Variants in PREPL observed in about 807,000 individuals in gnomAD.
PREPL encodes the protein prolyl endopeptidase like, also known as prolyl endopeptidase-like.
In PREPL, 77 loss-of-function variants were observed where a neutral mutation model predicts 70.6. That is an observed-to-expected ratio of 1.09 (90% CI 0.91 to 1.32). PREPL has a LOEUF of 1.32. Among genes scored for constraint, PREPL ranks in the 40% most tolerant of loss-of-function variants. PREPL has a pLI of 0.00. For synonymous variants in PREPL, 315 were observed against 264.8 expected (o/e 1.19, Z -1.84); for missense variants, 1,002 against 778.2 (o/e 1.29, Z -3.42).
chr2:44,331,407 G>A (rs1159442968), intron 8 of PREPL, among the ~76,000 whole-genome samples: 1 of 151,794 alleles, frequency 6.6e-6, no homozygotes, highest in Admixed American at 6.6e-5. Context: ...GTAGAGATGG[G>A]GTTTCACCAT....
chr2:44,320,314 A>G lies in PREPL; in HGVS notation c.*1042T>C. On this transcript the variant is annotated 3_prime_UTR_variant, in exon 14 of 14. Coordinates refer to ENST00000409411, the MANE Select transcript of PREPL (RefSeq NM_001171613.2). ...TTTTGCCATTTGAGGAATGACAGCCACTATGTTGTGTACACAAGAGAGCTG... is the reference window on the plus strand; with the variant it reads ...TTTTGCCATTTGAGGAATGACAGCCGCTATGTTGTGTACACAAGAGAGCTG... The G allele has an allele frequency of 1.9e-6, 3 of 1,614,138 alleles. No individual in the cohort carries two copies. Among genetic ancestry groups the G allele is most frequent in the Non-Finnish European group, 2.5e-6 (3 of 1,179,968 alleles).
chr2:44,338,864 G>C (rs960802980), intron 6 of PREPL, among the ~76,000 whole-genome samples: 1 of 152,198 alleles, frequency 6.6e-6, no homozygotes, highest in African/African-American at 2.4e-5. Context: ...AATCCAAATT[G>C]CCAACTCATA....
At position 44,351,339 on chromosome 2, in the gene PREPL, T is replaced by C. The variant is rs148747207; in HGVS notation, c.-48-4949A>G. On this transcript the variant is annotated intron_variant, in intron 1 of 13. Coordinates refer to ENST00000409411, the MANE Select transcript of PREPL (RefSeq NM_001171613.2). ...TTGGTGATCTCATCCAGTCATGACC[T>C]TAAATACCATTTATATGCTAAGGAC... Among the ~76,000 whole-genome samples the C allele has an allele frequency of 1.7e-3, 257 of 152,194 alleles. No homozygotes were observed. The Middle Eastern group carries it at 0.027, about 16-fold the overall frequency.
In PREPL at chr2:44,346,317, G is replaced by A; in HGVS notation, c.26C>T (p.Thr9Ile). ...TTCTTGTGGCTGTGTTTCTAATTTT[G>A]TTCTCACTTTTTCAAATGCATCCAT... is the stretch of plus-strand genomic sequence containing the variant. The part of the protein sequence containing the change: MDAFEKVR[T>I]KLETQPQEEY... Residue 9 changes from threonine to isoleucine, a missense_variant, in exon 2 of 14, where the codon ACA becomes ATA. Transcript: ENST00000409411. 1.2e-6 allele frequency: 2 copies of A among 1,611,504 alleles called. No homozygotes were observed. Among genetic ancestry groups the A allele is most frequent in the Admixed American group, 1.7e-5 (1 of 59,922 alleles).
chr2:44,322,928 A>C, intron 11 of PREPL, 74 bp from the exon 12 acceptor site: 1 of 1,535,912 alleles, frequency 6.5e-7, no homozygotes, highest in Non-Finnish European at 8.7e-7. Context: ...ACTATGAAAA[A>C]TAATTACCTC....
chr2:44,344,096 G>C, intron 3 of PREPL, 145 bp from the exon 4 acceptor site: 1 of 989,348 alleles, frequency 1.0e-6, no homozygotes. Flanking sequence ...AGCTTAACTT[G>C]CACATCAACT....
chr2:44,328,267 T>TAA (rs1172522885), intron 9 of PREPL, among the ~76,000 whole-genome samples: 1 of 21,802 alleles, frequency 4.6e-5, no homozygotes. Flanking sequence ...AGATTCTATC[T>TAA]CAAAAAAAAA....
intron 7 of PREPL, among the ~76,000 whole-genome samples, chr2:44,335,249 A>G (rs557275847): frequency 6.6e-6 from 1 of 152,370 alleles, no homozygotes; most frequent in Admixed American, 6.5e-5. Flanking sequence ...GCATATCTTT[A>G]AAATAAGAAT....
At chr2:44,346,221 G>T in intron 2 of PREPL, 47 bp downstream of exon 2, 1 of 1,524,624 alleles carries the variant, frequency 6.6e-7, no homozygotes, top group Non-Finnish European at 9.0e-7. Flanking sequence ...TTTGCATCTT[G>T]ATTGGTAATA....
intron 8 of PREPL, 46 bp from the exon 9 acceptor site, chr2:44,329,158 A>T (rs147411016): frequency 6.7e-7 from 1 of 1,485,390 alleles, no homozygotes. Context: ...GTCTTTTATA[A>T]TAACTGTTTT....
chr2:44,332,792 G>A (rs1674254572), intron 7 of PREPL, 136 bp from the exon 8 acceptor site: 14 of 635,678 alleles, frequency 2.2e-5, no homozygotes, highest in Middle Eastern at 4.4e-4. Flanking sequence ...CCTCATTCAA[G>A]GATTACTTTA....
At chr2:44,351,279 A>C (rs1676407159) in intron 1 of PREPL, among the ~76,000 whole-genome samples, 1 of 152,020 alleles carries the variant, frequency 6.6e-6, no homozygotes, top group Admixed American at 6.6e-5. Context: ...TCCTGCACTA[A>C]GTACTTCTCT....
intron 7 of PREPL, among the ~76,000 whole-genome samples, chr2:44,335,840 G>A (rs567452132): frequency 1.3e-5 from 2 of 150,298 alleles, no homozygotes; most frequent in South Asian, 2.1e-4. Context: ...ATATTAACAA[G>A]CAAAACAAAC....
At chr2:44,354,304 C>G (rs560853247) in intron 1 of PREPL, among the ~76,000 whole-genome samples, 2 of 152,136 alleles carry the variant, frequency 1.3e-5, no homozygotes, top group Admixed American at 1.3e-4. Context: ...TCTATAAACA[C>G]GTTGCTTATC....
chr2:44,333,368 C>T (rs575901120), intron 7 of PREPL, among the ~76,000 whole-genome samples: 17 of 152,266 alleles, frequency 1.1e-4, no homozygotes, highest in African/African-American at 4.1e-4. Flanking sequence ...CCCTCTTACA[C>T]CTTTTAAAGA....
At chr2:44,353,549 C>T (rs1238643890) in intron 1 of PREPL, among the ~76,000 whole-genome samples, 3 of 151,494 alleles carry the variant, frequency 2.0e-5, no homozygotes, top group African/African-American at 7.3e-5. Context: ...GATGGCACCA[C>T]TGCACTCCAA....
Position 44,342,601 on chromosome 2 carries a change from A to T in PREPL, c.350-49T>A, listed in dbSNP as rs551460147. 4.0e-5 allele frequency: 10 copies of T among 250,262 alleles called. No individual in the cohort carries two copies. In the East Asian group the frequency reaches 7.1e-4, roughly 18 times the overall value. 15.5% of individuals were successfully genotyped at this position (250,262 alleles called of 1,614,324 possible). On this transcript the variant is annotated intron_variant, in intron 4 of 13. Coordinates refer to ENST00000409411, the MANE Select transcript of PREPL (RefSeq NM_001171613.2). ...TATACATAATCACCTACACTCCATT[A>T]AAAAAAAAAAAAAAGCACAGCACAT...
Position 44,339,192 on chromosome 2 carries a change from A to C in PREPL, c.657T>G (p.Asp219Glu), listed in dbSNP as rs762650967. The change falls in exon 6 of 14, where the codon GAT (aspartate) becomes GAG (glutamate). Residue 219 changes from aspartate (D) to glutamate (E), a missense_variant. Coordinates refer to ENST00000409411, the MANE Select transcript of PREPL (RefSeq NM_001171613.2). ...GVLYYVEHRD[D>E]ELYILTNVGE... ...CAACATTAGTGAGAATGTATAATTC[A>C]TCATCTCTGTGTTCAACATAGTAAA... 1 of 1,614,054 alleles carries C rather than the reference A, an allele frequency of 6.2e-7. No individual in the cohort carries two copies. The highest frequency in any genetic ancestry group is 8.5e-7 in the Non-Finnish European group (1 of 1,179,946).
At chr2:44,324,497 G>A (rs987986548) in intron 10 of PREPL, among the ~76,000 whole-genome samples, 5 of 152,056 alleles carry the variant, frequency 3.3e-5, no homozygotes, top group African/African-American at 1.2e-4. Flanking sequence ...AGCAAAAAAC[G>A]CTAAGTAAAG....
Sources: allele counts gnomAD v4.1 joint callset (sites outside exome capture counted in the v4.1 genomes callset), GRCh38; gene constraint gnomAD v4.1.1; transcripts MANE v1.5; gene names NCBI Gene and HGNC (gene_info 2026-07-23, HGNC 2026-07-21).